Variants in LRRFIP2 observed in about 807,000 individuals in gnomAD.
The protein encoded by LRRFIP2 is leucine-rich repeat flightless-interacting protein 2.
LRRFIP2 carries 109 observed loss-of-function variants against 125.9 expected under a neutral mutation model. That is an observed-to-expected ratio of 0.87 (90% CI 0.74 to 1.01). The LOEUF is 1.01. Ranked by LOEUF, LRRFIP2 falls within the 50% of genes least tolerant of loss-of-function variation. The pLI is 0.00. For missense variants in LRRFIP2, 850 were observed against 862.3 expected (o/e 0.99, Z 0.18); for synonymous variants, 291 against 293.1 (o/e 0.99, Z 0.07).
intron 18 of LRRFIP2, among the ~76,000 whole-genome samples, chr3:37,084,173 C>T (rs1218761631): frequency 6.6e-6 from 1 of 152,120 alleles, no homozygotes; most frequent in Non-Finnish European, 1.5e-5. Context: ...GTGTTCAGAA[C>T]GCAGTGATAC....
At chr3:37,086,387 A>G (rs1360156378) in intron 18 of LRRFIP2, among the ~76,000 whole-genome samples, 1 of 152,240 alleles carries the variant, frequency 6.6e-6, no homozygotes, top group Non-Finnish European at 1.5e-5. Context: ...ACCAAAGAGA[A>G]TTGAAAAGAT....
chr3:37,155,714 T>C (rs1211755745), intron 1 of LRRFIP2, among the ~76,000 whole-genome samples: 3 of 152,178 alleles, frequency 2.0e-5, no homozygotes, highest in African/African-American at 7.2e-5. Context: ...TACACAAATA[T>C]TAAACTCTAG....
At chr3:37,064,439 C>A (rs925102857) in intron 23 of LRRFIP2, 2 of 152,068 alleles carry the variant, frequency 1.3e-5, no homozygotes, top group African/African-American at 4.8e-5. Context: ...TAAACAAATA[C>A]AAAAATTAAC....
rs545503779 is a variant in LRRFIP2, at chr3:37,157,747, G to C, written c.-55-8709C>G. Among the ~76,000 whole-genome samples, 2 of 152,138 alleles carry C rather than the reference G, an allele frequency of 1.3e-5. 1 individual carries two copies. The highest frequency in any genetic ancestry group is 4.2e-4 in the South Asian group (2 of 4,812). On this transcript the variant is annotated intron_variant, in intron 1 of 27. Coordinates refer to ENST00000336686, the MANE Select transcript of LRRFIP2 (RefSeq NM_006309.4). ...TATACAGGCAAAACTGGAGAACTTG[G>C]CAAAACAAGGAAAGGCAAATGCTAA... is the stretch of plus-strand genomic sequence containing the variant.
intron 24 of LRRFIP2, among the ~76,000 whole-genome samples, chr3:37,059,521 G>A (rs1226296868): frequency 1.3e-5 from 2 of 152,166 alleles, no homozygotes; most frequent in African/African-American, 2.4e-5. Context: ...GGGCACGGTG[G>A]CTCACGCCTG....
intron 9 of LRRFIP2, 53 bp from the exon 10 acceptor site, chr3:37,109,756 G>A: frequency 6.6e-7 from 1 of 1,508,954 alleles, no homozygotes; most frequent in East Asian, 2.3e-5. Flanking sequence ...AGATGAATTG[G>A]TCTCACCATC....
At chr3:37,119,023 A>G (rs1020563085) in intron 6 of LRRFIP2, among the ~76,000 whole-genome samples, 2 of 152,232 alleles carry the variant, frequency 1.3e-5, no homozygotes, top group African/African-American at 4.8e-5. Flanking sequence ...TAAAACAGAA[A>G]AAGTTTTATC....
chr3:37,069,793 CT>C (rs1384922016), intron 21 of LRRFIP2, among the ~76,000 whole-genome samples: 3 of 152,238 alleles, frequency 2.0e-5, no homozygotes, highest in African/African-American at 7.2e-5. Flanking sequence ...TCTTGAGGGA[CT>C]TATACAGAGT....
At chr3:37,076,000 G>C (rs1317289902) in intron 19 of LRRFIP2, among the ~76,000 whole-genome samples, 1 of 152,010 alleles carries the variant, frequency 6.6e-6, no homozygotes, top group Non-Finnish European at 1.5e-5. Flanking sequence ...TTTGGAAAAA[G>C]ATAAAATTGG....
chr3:37,127,527 G>T, intron 4 of LRRFIP2, 103 bp downstream of exon 4: 1 of 1,157,298 alleles, frequency 8.6e-7, no homozygotes, highest in Non-Finnish European at 1.3e-6. Flanking sequence ...GTTCACACAG[G>T]CCAAACACTC....
At position 37,075,026 on chromosome 3, in the gene LRRFIP2, C is replaced by T. The variant is rs781333351; in HGVS notation, c.1369G>A (p.Glu457Lys). 6.2e-7 allele frequency: 1 copy of T among 1,608,426 alleles called. No homozygotes were observed. The highest frequency in any genetic ancestry group is 1.1e-5 in the South Asian group (1 of 90,978). ...EGLRQRDELI[E>K]EKQRMQQKID... Reference sequence around the variant, plus strand: ...ATTCCCACAGTTCATGTACATACCTCAATAAGCTCATCTCTTTGCCGCAGG... The same window carrying T: ...ATTCCCACAGTTCATGTACATACCTTAATAAGCTCATCTCTTTGCCGCAGG... Residue 457 changes from glutamate (E) to lysine (K), a missense_variant and splice_region_variant, in exon 20 of 28, where the codon GAG (glutamate) becomes AAG (lysine). Glu to Lys is a moderately conservative substitution (Grantham distance 56). Transcript: ENST00000336686.
intron 9 of LRRFIP2, 46 bp from the exon 10 acceptor site, chr3:37,109,749 T>C: frequency 1.9e-6 from 3 of 1,545,066 alleles, no homozygotes; most frequent in Non-Finnish European, 2.7e-6. Flanking sequence ...AAAACAAAGA[T>C]GAATTGGTCT....
intron 18 of LRRFIP2, among the ~76,000 whole-genome samples, chr3:37,088,753 T>C (rs997867520): frequency 7.9e-5 from 12 of 152,088 alleles, no homozygotes; most frequent in Admixed American, 7.2e-4. Flanking sequence ...GCTACGATTG[T>C]GTCACTACAC....
At chr3:37,074,220 G>GAGT (rs1183770461) in intron 20 of LRRFIP2, among the ~76,000 whole-genome samples, 1 of 152,200 alleles carries the variant, frequency 6.6e-6, no homozygotes, top group Non-Finnish European at 1.5e-5. Context: ...GCTAAGGTCT[G>GAGT]AGTAGCCAGG....
chr3:37,173,205 A>G (rs2096609951), intron 1 of LRRFIP2, among the ~76,000 whole-genome samples: 1 of 151,940 alleles, frequency 6.6e-6, no homozygotes, highest in Admixed American at 6.6e-5. Context: ...CTAAAAAAAA[A>G]AAAAGTTGAG....
intron 1 of LRRFIP2, among the ~76,000 whole-genome samples, chr3:37,173,759 C>G (rs2096618540): frequency 6.6e-6 from 1 of 152,202 alleles, no homozygotes; most frequent in Non-Finnish European, 1.5e-5. Context: ...ACAGGGTAAA[C>G]AATCCACAAA....
At chr3:37,163,211 A>AC (rs1481917318) in intron 1 of LRRFIP2, among the ~76,000 whole-genome samples, 2 of 152,308 alleles carry the variant, frequency 1.3e-5, no homozygotes, top group Admixed American at 6.5e-5. Context: ...AGCAGTATGT[A>AC]CCTTTCCTTT....
chr3:37,121,850 G>C (rs1417457671), intron 4 of LRRFIP2, among the ~76,000 whole-genome samples, 159 bp from the exon 5 acceptor site: 1 of 47,304 alleles, frequency 2.1e-5, no homozygotes, highest in African/African-American at 6.9e-5. Context: ...TCGTGTGTGT[G>C]TGTGTGTGTG....
intron 1 of LRRFIP2, among the ~76,000 whole-genome samples, chr3:37,152,738 G>A (rs2096068306): frequency 6.6e-6 from 1 of 152,014 alleles, no homozygotes; most frequent in Admixed American, 6.6e-5. Context: ...CCACATGACC[G>A]AAATGAAATT....
Sources: allele counts gnomAD v4.1 joint callset (sites outside exome capture counted in the v4.1 genomes callset), GRCh38; gene constraint gnomAD v4.1.1; transcripts MANE v1.5; gene names NCBI Gene and HGNC (gene_info 2026-07-23, HGNC 2026-07-21).